Variants in C11orf65 observed in about 807,000 individuals in gnomAD.
C11orf65 encodes protein MFI.
C11orf65 carries 38 observed loss-of-function variants against 35.3 expected under a neutral mutation model. That is an observed-to-expected ratio of 1.08 (90% CI 0.83 to 1.41). The LOEUF (loss-of-function observed/expected upper bound fraction) is 1.41, where lower values mean the gene tolerates loss of function less well. Ranked by LOEUF, C11orf65 falls within the 40% of genes most tolerant of loss-of-function variation. The probability of loss-of-function intolerance (pLI) is 0.00; values close to 1 mark genes in which losing one functional copy is unlikely to be tolerated. For missense variants in C11orf65, 370 were observed against 367.1 expected, an observed-to-expected ratio of 1.01 and a Z score of -0.06; for synonymous variants, 105 against 114.4, an observed-to-expected ratio of 0.92 and a Z score of 0.53.
intron 2 of C11orf65, among the ~76,000 whole-genome samples, chr11:108,439,585 A>G (rs1225427826): frequency 6.6e-6 from 1 of 152,266 alleles, no homozygotes; most frequent in African/African-American, 2.4e-5. Flanking sequence ...GTCCATTAAC[A>G]GATGAATGGA....
At chr11:108,393,747 A>T (rs941041580) in intron 6 of C11orf65, among the ~76,000 whole-genome samples, 3 of 152,202 alleles carry the variant, frequency 2.0e-5, no homozygotes, top group Non-Finnish European at 4.4e-5. Flanking sequence ...AGTTAAGTAA[A>T]TTTTACAAAA....
At chr11:108,360,407 A>G (rs2090584286) in intron 2 of C11orf65, among the ~76,000 whole-genome samples, 1 of 145,916 alleles carries the variant, frequency 6.9e-6, no homozygotes, top group African/African-American at 2.5e-5. Context: ...AACTATTCCA[A>G]TCAATAGAAA....
intron 6 of C11orf65, among the ~76,000 whole-genome samples, chr11:108,403,290 T>A (rs1705680939): frequency 6.6e-6 from 1 of 152,192 alleles, no homozygotes; most frequent in South Asian, 2.1e-4. Context: ...TAGTTAGCAC[T>A]TCTCTAATGA....
At chr11:108,342,685 A>C (rs1409662232) in intron 2 of C11orf65, among the ~76,000 whole-genome samples, 1 of 152,202 alleles carries the variant, frequency 6.6e-6, no homozygotes, top group Non-Finnish European at 1.5e-5. Flanking sequence ...ATGTATGTTT[A>C]TAATATAATT....
intron 2 of C11orf65, chr11:108,364,953 T>G (rs1177971903): frequency 6.1e-6 from 6 of 982,718 alleles, no homozygotes; most frequent in Non-Finnish European, 9.2e-6. Context: ...GAAGTGTGCA[T>G]GATGTTTGTT....
intron 3 of C11orf65, among the ~76,000 whole-genome samples, chr11:108,419,967 T>C (rs1188189032): frequency 6.6e-6 from 1 of 152,136 alleles, no homozygotes; most frequent in Non-Finnish European, 1.5e-5. Flanking sequence ...ACAAAACTCA[T>C]TGAGGATGAC....
rs767788813 is a variant in C11orf65, at chr11:108,351,673, TC to T, written c.227-16382del. ...CTGGACCTACTCAGCATCTTGGGGC[TC>T]CAAGGGGAAGGAAGTGGAAGTTAAG... On this transcript the variant is annotated intron_variant, in intron 2 of 3. Transcript: ENST00000524755. 3.9e-5 allele frequency among the ~76,000 whole-genome samples: 6 copies of T among 152,226 alleles called. No homozygotes were observed. The South Asian group carries it at 1.2e-3, about 32-fold the overall frequency.
In C11orf65 at chr11:108,365,356, G is replaced by T. The variant is rs876660382; in HGVS notation, c.226+27852C>A. ...TGACCAGAGTTTCAACAAAGTAGCT[G>T]AACGTGTCTTAATGAGACTACAAGA... On this transcript the variant is annotated intron_variant, in intron 2 of 3. Transcript: ENST00000524755. The T allele has an allele frequency of 6.2e-7, 1 of 1,614,142 alleles. No individual in the cohort carries two copies. The highest frequency in any genetic ancestry group is 8.5e-7 in the Non-Finnish European group (1 of 1,180,034).
At chr11:108,365,234 A>G (rs1393976004) in intron 2 of C11orf65, 1 of 1,614,110 alleles carries the variant, frequency 6.2e-7, no homozygotes, top group African/African-American at 1.3e-5. Context: ...CAGTATTTTA[A>G]GAAGGTCCTG....
chr11:108,411,702 C>G (rs1294198834), intron 3 of C11orf65, among the ~76,000 whole-genome samples: 7 of 152,024 alleles, frequency 4.6e-5, no homozygotes. Flanking sequence ...CATTATGAAA[C>G]TGCTCTCTTT....
rs59021047 is a variant in C11orf65 at position 108,317,648 on chromosome 11, TATATACACAC to T, written c.641-8587_641-8578del. The T allele has an allele frequency of 7.1e-3, 943 of 133,292 alleles. 14 individuals carry two copies. Among genetic ancestry groups the T allele is most frequent in the African/African-American group, 0.037 (864 of 23,520 alleles). 8.3% of individuals were successfully genotyped at this position (133,292 alleles called of 1,614,324 possible). On this transcript the variant is annotated intron_variant, in intron 6 of 6. Coordinates refer to the C11orf65 transcript ENST00000525729. ...ATATATATATATATATATATATATA[TATATACACAC>T]ACACACACACACACACTATATATAT... is the stretch of plus-strand genomic sequence containing the variant.
At chr11:108,317,672 CACTA>C (rs1338120634) in intron 6 of C11orf65, 1 of 228,320 alleles carries the variant, frequency 4.4e-6, no homozygotes, top group Non-Finnish European at 7.5e-6. Flanking sequence ...CACACACACA[CACTA>C]TATATATATA....
chr11:108,310,887 A>G (rs1375429816), intron 6 of C11orf65, among the ~76,000 whole-genome samples: 2 of 152,178 alleles, frequency 1.3e-5, no homozygotes, highest in South Asian at 2.1e-4. Flanking sequence ...ATACTCCTAG[A>G]TCATGGGGAA....
intron 3 of C11orf65, among the ~76,000 whole-genome samples, chr11:108,428,546 C>A (rs889526436): frequency 6.6e-6 from 1 of 152,150 alleles, no homozygotes; most frequent in African/African-American, 2.4e-5. Flanking sequence ...TCATTCTCAG[C>A]AAACTAACAC....
intron 2 of C11orf65, among the ~76,000 whole-genome samples, chr11:108,445,940 A>G (rs1446452658): frequency 1.3e-5 from 2 of 152,188 alleles, no homozygotes; most frequent in Non-Finnish European, 2.9e-5. Context: ...GAGCTGATGG[A>G]GCTGAAAGCC....
intron 2 of C11orf65, among the ~76,000 whole-genome samples, chr11:108,351,678 G>A (rs868648347): frequency 1.3e-5 from 2 of 152,148 alleles, no homozygotes; most frequent in South Asian, 2.1e-4. Context: ...GGGGCTCCAA[G>A]GGGAAGGAAG....
chr11:108,469,094 C>A (rs1198247323), upstream of C11orf65, among the ~76,000 whole-genome samples: 34 of 151,730 alleles, frequency 2.2e-4, 1 homozygote, highest in Admixed American at 2.2e-3. Flanking sequence ...TGCCTGTAGT[C>A]CCAGCTACTC....
At position 108,353,770 on chromosome 11, in the gene C11orf65, T is replaced by A. The variant is rs1401097446; in HGVS notation, c.227-18478A>T. On this transcript the variant is annotated intron_variant, in intron 2 of 3. Coordinates refer to the C11orf65 transcript ENST00000524755. ...TCACTGTATTCTTTACTTTAGGTGT[T>A]GCTTTTGAACAGGGCAAAATCCTTC... The A allele has an allele frequency of 1.2e-6, 2 of 1,609,718 alleles. No individual in the cohort carries two copies. Among genetic ancestry groups the A allele is most frequent in the Non-Finnish European group, 1.7e-6 (2 of 1,176,118 alleles).
chr11:108,382,865 T>C lies in C11orf65; in HGVS notation c.*156A>G. 1 of 1,479,688 alleles carries C rather than the reference T, an allele frequency of 6.8e-7. No homozygotes were observed. The highest frequency in any genetic ancestry group is 2.5e-5 in the East Asian group (1 of 40,536). The allele number at this position is 1,479,688 out of a possible 1,614,324, so 91.7% of individuals were successfully genotyped here. A position where few individuals can be genotyped will look rare whatever the true frequency, so the allele number is the denominator to read the frequency against. On this transcript the variant is annotated 3_prime_UTR_variant, in exon 9 of 9. Coordinates refer to ENST00000393084, the MANE Select transcript of C11orf65 (RefSeq NM_152587.5). ...GCCATGATCATTGTATTCAGTCCAG[T>C]GTTCTATTTCTGCTCAATCTTCCTT... is the stretch of plus-strand genomic sequence containing the variant.
Sources: gnomAD v4.1 joint callset for allele counts (sites outside exome capture counted in the v4.1 genomes callset) on GRCh38, gnomAD v4.1.1 for gene constraint, MANE v1.5 for transcripts, NCBI Gene and HGNC (gene_info 2026-07-23, HGNC 2026-07-21) for gene names.